The following SLC25A21 variants were observed in gnomAD, a reference collection of about 807,000 sequenced individuals.
SLC25A21 encodes the protein mitochondrial 2-oxodicarboxylate carrier.
Under a neutral mutation model 43.8 loss-of-function variants are expected in SLC25A21, and 47 were observed. That is an observed-to-expected ratio of 1.07 (90% CI 0.85 to 1.37). The LOEUF (loss-of-function observed/expected upper bound fraction) is 1.37. Among genes scored for constraint, SLC25A21 ranks in the 40% most tolerant of loss-of-function variants. SLC25A21 has a pLI of 0.00. For missense variants in SLC25A21, 352 were observed against 350.2 expected, an observed-to-expected ratio of 1.00 and a Z score of -0.04; for synonymous variants, 131 against 121.3, an observed-to-expected ratio of 1.08 and a Z score of -0.52.
intron 1 of SLC25A21, among the ~76,000 whole-genome samples, chr14:36,974,673 G>A (rs1352427340): frequency 6.6e-6 from 1 of 152,150 alleles, no homozygotes; most frequent in Non-Finnish European, 1.5e-5. Flanking sequence ...ACTATATTAT[G>A]TTGAAGTTAC....
intron 6 of SLC25A21, among the ~76,000 whole-genome samples, chr14:36,723,006 G>A (rs866509590): frequency 2.0e-5 from 3 of 152,236 alleles, no homozygotes; most frequent in Middle Eastern, 3.4e-3. Context: ...TACACATGCC[G>A]AGGTGAGCAT....
At chr14:37,055,917 C>G (rs1961814912) in intron 1 of SLC25A21, among the ~76,000 whole-genome samples, 1 of 91,788 alleles carries the variant, frequency 1.1e-5, no homozygotes, top group Non-Finnish European at 2.9e-5. Flanking sequence ...GAATTGTGAT[C>G]CCCAGTGTTG....
At chr14:36,695,941 T>C (rs1883003026) in intron 7 of SLC25A21, among the ~76,000 whole-genome samples, 1 of 152,206 alleles carries the variant, frequency 6.6e-6, no homozygotes, top group Non-Finnish European at 1.5e-5. Flanking sequence ...CTTCCAACAC[T>C]ATGTTGAACA....
intron 3 of SLC25A21, among the ~76,000 whole-genome samples, chr14:36,813,385 A>C (rs1044447589): frequency 6.6e-6 from 1 of 151,440 alleles, no homozygotes; most frequent in Non-Finnish European, 1.5e-5. Context: ...TTTCTTAAAG[A>C]CAGTCTTGCT....
At chr14:37,049,134 A>G (rs1961651838) in intron 1 of SLC25A21, among the ~76,000 whole-genome samples, 1 of 152,236 alleles carries the variant, frequency 6.6e-6, no homozygotes, top group South Asian at 2.1e-4. Flanking sequence ...CTACTCACAT[A>G]GCCTTGAAAT....
chr14:36,864,190 T>C (rs981793635), intron 2 of SLC25A21, among the ~76,000 whole-genome samples: 2 of 152,312 alleles, frequency 1.3e-5, no homozygotes, highest in East Asian at 3.9e-4. Context: ...ACTATACAAA[T>C]GTGAGACCTT....
At chr14:37,100,991 C>G (rs1472374707) in intron 1 of SLC25A21, among the ~76,000 whole-genome samples, 2 of 152,182 alleles carry the variant, frequency 1.3e-5, no homozygotes, top group East Asian at 1.9e-4. Context: ...CTTTCGCTGA[C>G]AGCCGACTTA....
At chr14:36,706,788 CCA>C (rs1439359610) in intron 7 of SLC25A21, among the ~76,000 whole-genome samples, 4 of 152,154 alleles carry the variant, frequency 2.6e-5, no homozygotes, top group African/African-American at 9.7e-5. Flanking sequence ...CCTGTCTCCC[CCA>C]TGGACGCTAT....
At chr14:37,052,938 A>C (rs1233110602) in intron 1 of SLC25A21, among the ~76,000 whole-genome samples, 1 of 152,190 alleles carries the variant, frequency 6.6e-6, no homozygotes, top group African/African-American at 2.4e-5. Context: ...GCATCTGGCC[A>C]ACACAAGCCT....
chr14:37,130,960 C>T (rs553244989), intron 1 of SLC25A21, among the ~76,000 whole-genome samples: 93 of 152,218 alleles, frequency 6.1e-4, no homozygotes, highest in African/African-American at 2.2e-3. Context: ...CTGGCCACTA[C>T]AAACAAAAAG....
At chr14:37,040,143 T>A (rs982239135) in intron 1 of SLC25A21, among the ~76,000 whole-genome samples, 2 of 147,744 alleles carry the variant, frequency 1.4e-5, no homozygotes, top group Non-Finnish European at 3.0e-5. Context: ...GAAGTTGCAG[T>A]GAACCAAGAT....
intron 1 of SLC25A21, among the ~76,000 whole-genome samples, chr14:36,955,537 A>AT (rs906791130): frequency 1.8e-4 from 27 of 151,224 alleles, no homozygotes; most frequent in South Asian, 8.4e-4. Flanking sequence ...GGATTTTCTG[A>AT]TTTTTTTTTA....
intron 1 of SLC25A21, among the ~76,000 whole-genome samples, chr14:37,053,987 T>G (rs1480682229): frequency 6.6e-6 from 1 of 152,236 alleles, no homozygotes; most frequent in Non-Finnish European, 1.5e-5. Flanking sequence ...TTCCTTGCTA[T>G]TCCTCCCATT....
In SLC25A21 at chr14:37,164,817, T is replaced by G. The variant is rs148703107; in HGVS notation, c.70+7464A>C. On this transcript the variant is annotated intron_variant, in intron 1 of 9. Coordinates refer to ENST00000331299, the MANE Select transcript of SLC25A21 (RefSeq NM_030631.4). The stretch of plus-strand genomic sequence containing the variant: ...AAAATATCACAGCATTTGCATATAC[T>G]CTCAGATAATTAATCTCCCAAAAGC... Among the ~76,000 whole-genome samples, 961 of 152,292 alleles carry G rather than the reference T, an allele frequency of 6.3e-3. 9 individuals carry two copies. Among genetic ancestry groups the G allele is most frequent in the African/African-American group, 0.02 (828 of 41,556 alleles).
At chr14:36,773,687 G>A (rs1886711221) in intron 3 of SLC25A21, among the ~76,000 whole-genome samples, 1 of 152,202 alleles carries the variant, frequency 6.6e-6, no homozygotes, top group Admixed American at 6.5e-5. Flanking sequence ...CACCAGTGCA[G>A]TTTTGCTTAA....
At chr14:36,900,281 G>A (rs376515663) in intron 1 of SLC25A21, among the ~76,000 whole-genome samples, 51 of 152,178 alleles carry the variant, frequency 3.4e-4, no homozygotes, top group African/African-American at 1.2e-3. Flanking sequence ...TTAGTCACAT[G>A]TGAATCCCTG....
chr14:36,963,147 A>G (rs74045210), intron 1 of SLC25A21, among the ~76,000 whole-genome samples: 1,802 of 152,310 alleles, frequency 0.012, 30 homozygotes, highest in African/African-American at 0.039. Flanking sequence ...CTTTGGTTAC[A>G]AAATAGGACC....
In SLC25A21 at chr14:36,937,260, C is replaced by T. The variant is rs548657885; in HGVS notation, c.71-62256G>A. Among the ~76,000 whole-genome samples, 60 of 152,318 alleles carry T rather than the reference C, an allele frequency of 3.9e-4. 1 individual carries two copies. In the South Asian group the frequency reaches 6.6e-3, roughly 17 times the overall value. ...ATAGCCAATGAGGCGCTCTTAGCAACGTTGTTCTCACTTGGGTTGATAAGG... is the reference window on the plus strand; with the variant it reads ...ATAGCCAATGAGGCGCTCTTAGCAATGTTGTTCTCACTTGGGTTGATAAGG... On this transcript the variant is annotated intron_variant, in intron 1 of 9. Transcript: ENST00000331299.
intron 3 of SLC25A21, among the ~76,000 whole-genome samples, chr14:36,811,106 T>G (rs1888246971): frequency 6.6e-6 from 1 of 152,146 alleles, no homozygotes; most frequent in African/African-American, 2.4e-5. Context: ...AACCATCTGC[T>G]ATTCCTAGAG....
Sources: allele counts gnomAD v4.1 joint callset (sites outside exome capture counted in the v4.1 genomes callset), GRCh38; gene constraint gnomAD v4.1.1; transcripts MANE v1.5; gene names NCBI Gene and HGNC (gene_info 2026-07-23, HGNC 2026-07-21).